Variants in CMSS1 observed in about 807,000 individuals in gnomAD.
CMSS1 encodes cms1 ribosomal small subunit homolog, also known as protein CMSS1.
A neutral mutation model predicts 43.5 loss-of-function variants in CMSS1; 33 were observed. The ratio of observed to expected loss-of-function variants is 0.76; its 90% confidence interval spans 0.57 to 1.01. CMSS1 has a LOEUF of 1.01. CMSS1 is among the 50% of genes least tolerant of loss of function. The probability of loss-of-function intolerance (pLI) is 0.00; values close to 1 mark genes in which losing one functional copy is unlikely to be tolerated. For synonymous variants in CMSS1, 115 were observed against 117.2 expected, an observed-to-expected ratio of 0.98 and a Z score of 0.12; for missense variants, 313 against 326.4, an observed-to-expected ratio of 0.96 and a Z score of 0.32.
chr3:99,967,878 TG>T (rs1181106381), intron 1 of CMSS1, among the ~76,000 whole-genome samples: 1 of 152,178 alleles, frequency 6.6e-6, no homozygotes, highest in Non-Finnish European at 1.5e-5. Context: ...AAAGTTAACC[TG>T]GTATTAGCAA....
rs901040039 is a variant in CMSS1 at position 100,178,450 on chromosome 3, T to G, written c.*62T>G. ...GAAGTTGCATCTTATTTAATGACTC[T>G]GATACATTGCAAGCACTCAGTAAAT... is the stretch of plus-strand genomic sequence containing the variant. On this transcript the variant is annotated 3_prime_UTR_variant, in exon 10 of 10. Transcript: ENST00000421999. 8.0e-6 allele frequency: 8 copies of G among 1,001,486 alleles called. No individual in the cohort carries two copies. Among genetic ancestry groups the G allele is most frequent in the South Asian group, 1.4e-5 (1 of 73,250 alleles). The allele number at this position is 1,001,486 out of a possible 1,614,324, so 62.0% of individuals were successfully genotyped here.
At chr3:100,081,969 G>C (rs540711404) in intron 1 of CMSS1, among the ~76,000 whole-genome samples, 230 of 152,138 alleles carry the variant, frequency 1.5e-3, no homozygotes, top group Non-Finnish European at 1.8e-3. Flanking sequence ...CTGTTTTAGA[G>C]TAGGAGGTAT....
Position 99,968,428 on chromosome 3 carries a change from GGA to G in CMSS1, c.64+150386_64+150387del, listed in dbSNP as rs372469461. Among the ~76,000 whole-genome samples the G allele has an allele frequency of 8.1e-3, 1,151 of 141,394 alleles. 4 individuals are homozygous for G. Among genetic ancestry groups the G allele is most frequent in the African/African-American group, 0.012 (467 of 38,182 alleles). The allele number at this position is 141,394 out of a possible 152,430, so 92.8% of individuals were successfully genotyped here. On this transcript the variant is annotated intron_variant, in intron 1 of 9. Transcript: ENST00000421999. ...GGTCCTGAAAAACTATGTTTTTGGG[GGA>G]AAAAAAAAAAAAAGACTGAATGATA...
chr3:99,936,445 G>A (rs1486805257), intron 1 of CMSS1, among the ~76,000 whole-genome samples: 3 of 133,240 alleles, frequency 2.3e-5, no homozygotes, highest in South Asian at 2.5e-4. Context: ...GCACGATCTC[G>A]GCTCACTGCA....
chr3:100,021,341 C>T (rs955323768), intron 1 of CMSS1, among the ~76,000 whole-genome samples: 16 of 152,098 alleles, frequency 1.1e-4, no homozygotes, highest in African/African-American at 3.9e-4. Flanking sequence ...CAACTTTATC[C>T]CCCTTGGTTT....
intron 1 of CMSS1, among the ~76,000 whole-genome samples, chr3:99,907,724 G>A (rs909765772): frequency 1.3e-5 from 2 of 152,074 alleles, no homozygotes; most frequent in African/African-American, 4.8e-5. Context: ...CACCTATAAT[G>A]ATTTTTGTGT....
intron 1 of CMSS1, chr3:99,850,431 T>A (rs1468194561): frequency 6.2e-7 from 1 of 1,614,092 alleles, no homozygotes; most frequent in Admixed American, 1.7e-5. Flanking sequence ...TTTCAACCTC[T>A]AGTTTAAAGT....
chr3:100,173,665 G>T (rs2067127643), intron 8 of CMSS1, among the ~76,000 whole-genome samples: 1 of 152,214 alleles, frequency 6.6e-6, no homozygotes, highest in African/African-American at 2.4e-5. Context: ...TGAAGTGTGG[G>T]GAGGATTGAA....
At chr3:99,958,694 G>C (rs758495699) in intron 1 of CMSS1, among the ~76,000 whole-genome samples, 10 of 152,156 alleles carry the variant, frequency 6.6e-5, no homozygotes, top group African/African-American at 2.2e-4. Flanking sequence ...GCAGTGTGAG[G>C]CATAGAGGCA....
At chr3:100,103,875 G>A (rs759367510) in intron 1 of CMSS1, among the ~76,000 whole-genome samples, 2 of 152,200 alleles carry the variant, frequency 1.3e-5, no homozygotes, top group Admixed American at 6.5e-5. Context: ...TCAATGAACA[G>A]CTGATATTTA....
At chr3:100,088,393 GTTA>G (rs140726053) in intron 1 of CMSS1, among the ~76,000 whole-genome samples, 2,378 of 152,224 alleles carry the variant, frequency 0.016, 28 homozygotes, top group Non-Finnish European at 0.025. Flanking sequence ...AAATGAGTAA[GTTA>G]TTATTGTCAG....
intron 1 of CMSS1, among the ~76,000 whole-genome samples, chr3:99,970,249 T>G (rs1293881041): frequency 6.6e-6 from 1 of 152,252 alleles, no homozygotes; most frequent in Non-Finnish European, 1.5e-5. Flanking sequence ...TGATAAGTTT[T>G]GGAGCTCAGT....
At chr3:99,848,252 G>T in intron 1 of CMSS1, 1 of 1,605,132 alleles carries the variant, frequency 6.2e-7, no homozygotes. Flanking sequence ...TATCAGTATG[G>T]ACTGGATGAG....
At chr3:100,050,984 CAT>C (rs1575991013) in intron 1 of CMSS1, among the ~76,000 whole-genome samples, 1 of 152,228 alleles carries the variant, frequency 6.6e-6, no homozygotes, top group Non-Finnish European at 1.5e-5. Context: ...ACTATTTTCA[CAT>C]GTTTTAGGTA....
intron 1 of CMSS1, among the ~76,000 whole-genome samples, chr3:99,991,005 G>A (rs988490198): frequency 3.3e-5 from 5 of 152,098 alleles, no homozygotes; most frequent in Non-Finnish European, 7.4e-5. Flanking sequence ...AGGTGCTCCA[G>A]AAATATCCAC....
chr3:100,026,134 T>A (rs750215981), intron 1 of CMSS1, among the ~76,000 whole-genome samples: 2 of 152,188 alleles, frequency 1.3e-5, no homozygotes, highest in Non-Finnish European at 2.9e-5. Context: ...GACCTCTGTA[T>A]CAGGATGCTG....
At chr3:99,862,646 C>T (rs1012484681) in intron 1 of CMSS1, among the ~76,000 whole-genome samples, 53 of 152,224 alleles carry the variant, frequency 3.5e-4, no homozygotes, top group African/African-American at 1.2e-3. Context: ...CAGACAACTA[C>T]TGAATGTCTC....
At chr3:99,892,947 G>A (rs1279331760) in intron 1 of CMSS1, among the ~76,000 whole-genome samples, 1 of 152,074 alleles carries the variant, frequency 6.6e-6, no homozygotes, top group East Asian at 1.9e-4. Context: ...AAGAAGATGA[G>A]GCCCCTGTTG....
intron 1 of CMSS1, chr3:99,924,163 G>A (rs1707213177): frequency 7.7e-7 from 1 of 1,305,770 alleles, no homozygotes; most frequent in Admixed American, 2.0e-5. Context: ...TTGTATCCCT[G>A]AGACCTGGTA....
Sources: allele counts gnomAD v4.1 joint callset (sites outside exome capture counted in the v4.1 genomes callset), GRCh38; gene constraint gnomAD v4.1.1; transcripts MANE v1.5; gene names NCBI Gene and HGNC (gene_info 2026-07-23, HGNC 2026-07-21).